TMEM232: variants seen among roughly 807,000 people sequenced by gnomAD.
TMEM232 encodes the protein transmembrane protein 232.
TMEM232 carries 80 observed loss-of-function variants against 78.8 expected under a neutral mutation model. The observed-to-expected ratio is 1.01, with a 90% CI of 0.85 to 1.22. The LOEUF is 1.22. Among genes scored for constraint, TMEM232 ranks in the 50% most tolerant of loss-of-function variants. TMEM232 has a pLI of 0.00. For missense variants in TMEM232, 881 were observed against 742.2 expected (o/e 1.19, Z -2.17); for synonymous variants, 297 against 254.3 (o/e 1.17, Z -1.60).
chr5:110,640,328 A>T (rs866064995), intron 4 of TMEM232, among the ~76,000 whole-genome samples: 1 of 152,254 alleles, frequency 6.6e-6, no homozygotes, highest in South Asian at 2.1e-4. Context: ...ACATTCTAAA[A>T]CTACTTTAAA....
intron 12 of TMEM232, among the ~76,000 whole-genome samples, chr5:110,427,023 A>C (rs1757314346): frequency 6.6e-6 from 1 of 152,044 alleles, no homozygotes; most frequent in African/African-American, 2.4e-5. Flanking sequence ...ATGCTTATAC[A>C]TCTGTGATTT....
intron 1 of TMEM232, among the ~76,000 whole-genome samples, chr5:110,682,309 T>TA (rs1206988093): frequency 6.6e-6 from 1 of 152,070 alleles, no homozygotes; most frequent in Non-Finnish European, 1.5e-5. Context: ...ATTAAGTGAA[T>TA]AAAAATGATC....
intron 2 of TMEM232, among the ~76,000 whole-genome samples, chr5:110,665,660 T>G (rs1323920080): frequency 6.6e-6 from 1 of 151,966 alleles, no homozygotes; most frequent in Admixed American, 6.6e-5. Context: ...GGTCCCTCAT[T>G]TGACACATGG....
At chr5:110,662,499 T>C (rs1168922982) in intron 2 of TMEM232, among the ~76,000 whole-genome samples, 1 of 152,112 alleles carries the variant, frequency 6.6e-6, no homozygotes, top group Non-Finnish European at 1.5e-5. Context: ...AAAACATAAA[T>C]TATGACAAGC....
At position 110,598,713 on chromosome 5, in the gene TMEM232, G is replaced by A. The variant is rs572412838; in HGVS notation, c.1276+6396C>T. On this transcript the variant is annotated intron_variant, in intron 10 of 13. Transcript: ENST00000455884. ...ATGAGGAGTTCATGTCCTCTGTAGG[G>A]ACATGGATGAAATTGGAAATTATCA... is the stretch of plus-strand genomic sequence containing the variant. Among the ~76,000 whole-genome samples, 245 of 151,954 alleles carry A rather than the reference G, an allele frequency of 1.6e-3. 1 individual carries two copies. The highest frequency in any genetic ancestry group is 5.2e-3 in the African/African-American group (214 of 41,460).
At chr5:110,586,845 T>C (rs1187111707) in intron 10 of TMEM232, among the ~76,000 whole-genome samples, 1 of 152,142 alleles carries the variant, frequency 6.6e-6, no homozygotes, top group Non-Finnish European at 1.5e-5. Context: ...TTAAGTTTAT[T>C]ACTACTATAG....
intron 12 of TMEM232, among the ~76,000 whole-genome samples, chr5:110,490,935 C>G (rs1765020653): frequency 1.3e-5 from 2 of 152,044 alleles, no homozygotes; most frequent in Non-Finnish European, 2.9e-5. Flanking sequence ...CAATAGTTAC[C>G]TAGATACATC....
chr5:110,638,311 C>A lies in TMEM232; in HGVS notation c.388G>T (p.Asp130Tyr). Residue 130 changes from aspartate to tyrosine, a missense_variant, in exon 5 of 14, where the codon GAT (aspartate) becomes TAT (tyrosine). By Grantham distance (160) the Asp-to-Tyr change is radical. Coordinates refer to ENST00000455884, the MANE Select transcript of TMEM232 (RefSeq NM_001039763.4). ...AATAAGGCAGGCAGATGATCATAAT[C>A]AAAGGAAGCATGGTCCAGAGATGCA... is the stretch of plus-strand genomic sequence containing the variant. ...LYASLDHASF[D>Y]YDHLPALFFV... is the part of the protein sequence containing the mutation. 1 of 1,550,808 alleles carries A rather than the reference C, an allele frequency of 6.4e-7. No individual in the cohort carries two copies. Among genetic ancestry groups the A allele is most frequent in the Non-Finnish European group, 8.7e-7 (1 of 1,146,494 alleles).
intron 12 of TMEM232, among the ~76,000 whole-genome samples, chr5:110,516,329 ATTAG>A (rs888432626): frequency 2.4e-4 from 36 of 152,334 alleles, no homozygotes; most frequent in African/African-American, 8.2e-4. Flanking sequence ...TATGCAAATA[ATTAG>A]TTGTTTATAA....
At chr5:110,532,679 C>T (rs981805483) in intron 11 of TMEM232, among the ~76,000 whole-genome samples, 5 of 151,906 alleles carry the variant, frequency 3.3e-5, no homozygotes, top group Non-Finnish European at 5.9e-5. Context: ...GCTACCCTTC[C>T]CAATCCAAAG....
At chr5:110,594,184 C>T (rs993442177) in intron 10 of TMEM232, among the ~76,000 whole-genome samples, 1 of 151,846 alleles carries the variant, frequency 6.6e-6, no homozygotes, top group Non-Finnish European at 1.5e-5. Flanking sequence ...GGCATTGCCT[C>T]ACCCGGGAAG....
intron 6 of TMEM232, 73 bp downstream of exon 6, chr5:110,627,708 T>G: frequency 9.4e-7 from 1 of 1,065,110 alleles, no homozygotes; most frequent in African/African-American, 1.7e-5. Context: ...CTTACGTTCT[T>G]TATAGTGACA....
At chr5:110,508,232 C>T (rs755549324) in intron 12 of TMEM232, among the ~76,000 whole-genome samples, 1 of 151,900 alleles carries the variant, frequency 6.6e-6, no homozygotes. Context: ...GGATGCTTAG[C>T]AATTACTGAT....
chr5:110,535,795 T>C (rs1041367536), intron 11 of TMEM232, among the ~76,000 whole-genome samples: 6 of 152,166 alleles, frequency 3.9e-5, no homozygotes, highest in African/African-American at 1.2e-4. Context: ...TAATCAAAGA[T>C]AGCATTAATC....
At chr5:110,613,189 TG>T (rs1782525542) in intron 8 of TMEM232, among the ~76,000 whole-genome samples, 1 of 152,192 alleles carries the variant, frequency 6.6e-6, no homozygotes, top group African/African-American at 2.4e-5. Flanking sequence ...AGCCCTTTTG[TG>T]GATCCTGAAC....
intron 11 of TMEM232, among the ~76,000 whole-genome samples, chr5:110,530,042 G>T (rs78484176): frequency 0.03 from 4,601 of 152,212 alleles, 238 homozygotes; most frequent in African/African-American, 0.11. Context: ...TCTTGCGATA[G>T]GAAAGACAGA....
intron 2 of TMEM232, among the ~76,000 whole-genome samples, chr5:110,646,101 A>G (rs779832781): frequency 1.6e-4 from 24 of 151,752 alleles, no homozygotes; most frequent in Non-Finnish European, 3.2e-4. Flanking sequence ...CAAAGAAGAC[A>G]TAGAAAGACA....
intron 2 of TMEM232, among the ~76,000 whole-genome samples, chr5:110,657,373 A>ATATC (rs924918741): frequency 7.9e-6 from 1 of 126,892 alleles, no homozygotes; most frequent in Non-Finnish European, 1.7e-5. Context: ...TGATGAATGG[A>ATATC]TATCTATCTG....
chr5:110,591,026 G>A (rs1779459215), intron 10 of TMEM232, among the ~76,000 whole-genome samples: 1 of 152,136 alleles, frequency 6.6e-6, no homozygotes, highest in South Asian at 2.1e-4. Context: ...GATTACAATC[G>A]GAGGAGATTT....
Sources: gnomAD v4.1 joint callset for allele counts (sites outside exome capture counted in the v4.1 genomes callset) on GRCh38, gnomAD v4.1.1 for gene constraint, MANE v1.5 for transcripts, NCBI Gene and HGNC (gene_info 2026-07-23, HGNC 2026-07-21) for gene names.